Variants in ZFR2 observed in about 807,000 individuals in gnomAD.
The protein encoded by ZFR2 is zinc finger RNA binding protein 2.
A neutral mutation model predicts 105.7 loss-of-function variants in ZFR2; 104 were observed. That is an observed-to-expected ratio of 0.98 (90% CI 0.84 to 1.16). The LOEUF (loss-of-function observed/expected upper bound fraction) is 1.16, where lower values mean the gene tolerates loss of function less well. ZFR2 is among the 50% of genes most tolerant of loss of function. The probability of loss-of-function intolerance (pLI) is 0.00; values close to 1 mark genes in which losing one functional copy is unlikely to be tolerated. For synonymous variants in ZFR2, 634 were observed against 597.7 expected (o/e 1.06, Z -0.89); for missense variants, 1,425 against 1,355.5 (o/e 1.05, Z -0.80).
chr19:3,862,272 T>G (rs2038382116), intron 1 of ZFR2, among the ~76,000 whole-genome samples: 1 of 152,180 alleles, frequency 6.6e-6, no homozygotes, highest in African/African-American at 2.4e-5. Context: ...AGGAATTTAC[T>G]TCTGCCCCAG....
At chr19:3,822,526 C>T (rs1234366656) in intron 8 of ZFR2, among the ~76,000 whole-genome samples, 4 of 151,734 alleles carry the variant, frequency 2.6e-5, no homozygotes, top group East Asian at 2.0e-4. Context: ...GTCAACATAG[C>T]GAGACCCCCA....
chr19:3,829,454 T>TTGTGTG (rs113401682), intron 5 of ZFR2, among the ~76,000 whole-genome samples: 25 of 149,738 alleles, frequency 1.7e-4, no homozygotes, highest in African/African-American at 5.9e-4. Flanking sequence ...ATAGGTAGGT[T>TTGTGTG]TGTGTGTGTG....
At chr19:3,811,107 C>A (rs982664254) in intron 15 of ZFR2, among the ~76,000 whole-genome samples, 165 bp downstream of exon 15, 1 of 152,242 alleles carries the variant, frequency 6.6e-6, no homozygotes, top group Non-Finnish European at 1.5e-5. Flanking sequence ...CAGGAGCCAG[C>A]GTTGGTTGTC....
intron 1 of ZFR2, among the ~76,000 whole-genome samples, chr19:3,868,696 C>T (rs1323726925): frequency 6.6e-6 from 1 of 151,982 alleles, no homozygotes; most frequent in African/African-American, 2.4e-5. Context: ...CCTCCCACTT[C>T]AGGAGCCCCC....
chr19:3,825,182 C>T (rs767020278), intron 7 of ZFR2, 48 bp downstream of exon 7: 8 of 1,409,892 alleles, frequency 5.7e-6, no homozygotes, highest in African/African-American at 4.5e-5. Context: ...TTTCACTAGG[C>T]GGCCAGGGCT....
intron 1 of ZFR2, among the ~76,000 whole-genome samples, chr19:3,843,108 T>C (rs1423260161): frequency 2.6e-5 from 4 of 152,234 alleles, no homozygotes; most frequent in African/African-American, 9.6e-5. Context: ...CAAGAAGGTA[T>C]TTTACACCAA....
chr19:3,831,659 C>T lies in ZFR2; in HGVS notation c.598+1G>A. Reference sequence around the variant, plus strand: ...ACCTGGGCAAGGAACGCTGGTCTTACCCGTGTAGGCGGTGCAGGTGGGGTT... The same window carrying T: ...ACCTGGGCAAGGAACGCTGGTCTTATCCGTGTAGGCGGTGCAGGTGGGGTT... On this transcript the variant is annotated splice_donor_variant, in intron 4 of 18. Coordinates refer to ENST00000262961, the MANE Select transcript of ZFR2 (RefSeq NM_015174.2). LOFTEE classifies it high-confidence loss of function. 6.5e-7 allele frequency: 1 copy of T among 1,539,174 alleles called. No individual in the cohort carries two copies. Among genetic ancestry groups the T allele is most frequent in the Admixed American group, 1.9e-5 (1 of 51,384 alleles).
intron 9 of ZFR2, among the ~76,000 whole-genome samples, chr19:3,821,855 C>T (rs914563460): frequency 9.2e-5 from 14 of 152,098 alleles, no homozygotes; most frequent in Admixed American, 6.6e-5. Context: ...ATGATCCACC[C>T]AACTTGGCCT....
intron 6 of ZFR2, among the ~76,000 whole-genome samples, 159 bp from the exon 7 acceptor site, chr19:3,825,566 C>T (rs2037940415): frequency 6.6e-6 from 1 of 152,234 alleles, no homozygotes; most frequent in African/African-American, 2.4e-5. Flanking sequence ...CTGGATAACA[C>T]CCACTCCAGA....
rs1162362014 is a variant in ZFR2 at position 3,838,006 on chromosome 19, T to C, written c.54-3023A>G. Among the ~76,000 whole-genome samples the C allele has an allele frequency of 1.3e-5, 2 of 150,944 alleles. No individual in the cohort carries two copies. The highest frequency in any genetic ancestry group is 4.9e-5 in the African/African-American group (2 of 40,968). On this transcript the variant is annotated intron_variant, in intron 1 of 18. Coordinates refer to ENST00000262961, the MANE Select transcript of ZFR2 (RefSeq NM_015174.2). The surrounding 1 kb of genome is among the most constrained non-coding windows in gnomAD (Gnocchi z 4.9). ...GACTGTAACACACGATGAATGTGACTGTGACACTTGATGAACACCGTGACT... is the reference window on the plus strand; with the variant it reads ...GACTGTAACACACGATGAATGTGACCGTGACACTTGATGAACACCGTGACT...
At chr19:3,848,926 G>A (rs753555002) in intron 1 of ZFR2, among the ~76,000 whole-genome samples, 25 of 148,318 alleles carry the variant, frequency 1.7e-4, no homozygotes, top group African/African-American at 6.0e-4. Context: ...CCCCGGAGGC[G>A]GAGCTTGCAG....
intron 1 of ZFR2, among the ~76,000 whole-genome samples, chr19:3,859,920 C>A (rs2038352985): frequency 1.3e-5 from 2 of 152,026 alleles, no homozygotes; most frequent in African/African-American, 4.8e-5. Flanking sequence ...ACCATGAAAC[C>A]CTTAGGTGCA....
rs1450517424 is a variant in ZFR2, at chr19:3,831,298, C to T, written c.852+5G>A. On this transcript the variant is annotated splice_donor_5th_base_variant and intron_variant, in intron 5 of 18. Transcript: ENST00000262961. ...GGGCCTGCCCATGGCAGGAGGGCGA[C>T]TGACCTGGGGGCCAGCGCAGCTGAT... is the stretch of plus-strand genomic sequence containing the variant. 1 of 1,517,964 alleles carries T rather than the reference C, an allele frequency of 6.6e-7. No individual in the cohort carries two copies. The allele number at this position is 1,517,964 out of a possible 1,614,324, so 94.0% of individuals were successfully genotyped here.
chr19:3,828,745 C>T (rs1320257612), intron 5 of ZFR2, among the ~76,000 whole-genome samples: 2 of 152,174 alleles, frequency 1.3e-5, no homozygotes, highest in Non-Finnish European at 1.5e-5. Flanking sequence ...AGGAGGGCCA[C>T]GAAACCAACA....
Position 3,868,966 on chromosome 19 carries a change from T to G in ZFR2, c.52A>C (p.Ser18Arg). The G allele has an allele frequency of 7.5e-7, 1 of 1,341,832 alleles. No homozygotes were observed. The highest frequency in any genetic ancestry group is 9.6e-7 in the Non-Finnish European group (1 of 1,037,030). 83.1% of individuals were successfully genotyped at this position (1,341,832 alleles called of 1,614,324 possible). ...GGGCTGGCGCGGCGGGGCAGTTACC[T>G]GTACTGCGGGCCGCCGCCCTGCGCG... The part of the protein sequence containing the change: ...DFAQGGGPQY[S>R]AQPPTLPLPT... Residue 18 changes from serine (S) to arginine (R), a missense_variant and splice_region_variant, in exon 1 of 19, where the codon AGC (serine) becomes CGC (arginine). Coordinates refer to ENST00000262961, the MANE Select transcript of ZFR2 (RefSeq NM_015174.2).
chr19:3,839,536 CAAAAAAAAAAAAAAAAAAA>C (rs60712587), intron 1 of ZFR2, among the ~76,000 whole-genome samples: 27 of 36,640 alleles, frequency 7.4e-4, no homozygotes, highest in Admixed American at 1.4e-3. Flanking sequence ...GGGATTCTGT[CAAAAAAAAAAAAAAAAAAA>C]AAAAAAAAAA....
chr19:3,867,304 T>TGAG (rs1555762877), intron 1 of ZFR2, among the ~76,000 whole-genome samples: 1 of 149,656 alleles, frequency 6.7e-6, no homozygotes, highest in African/African-American at 2.5e-5. Flanking sequence ...GATCAACTGT[T>TGAG]GGGGGGGGAA....
intron 1 of ZFR2, among the ~76,000 whole-genome samples, chr19:3,864,996 G>A (rs1282686968): frequency 1.3e-5 from 2 of 152,036 alleles, no homozygotes; most frequent in African/African-American, 2.4e-5. Context: ...TGATCTACCC[G>A]CCTCGGCCTC....
intron 1 of ZFR2, among the ~76,000 whole-genome samples, chr19:3,865,595 T>C (rs2038419059): frequency 6.6e-6 from 1 of 152,148 alleles, no homozygotes; most frequent in Admixed American, 6.6e-5. Flanking sequence ...TGGGCTCAAG[T>C]GATCCTCCTG....
Sources: allele counts gnomAD v4.1 joint callset (sites outside exome capture counted in the v4.1 genomes callset), GRCh38; gene constraint gnomAD v4.1.1; non-coding constraint Gnocchi (gnomAD v3.1); transcripts MANE v1.5; gene names NCBI Gene and HGNC (gene_info 2026-07-23, HGNC 2026-07-21).